The following COMP variants were observed in gnomAD, a reference collection of about 807,000 sequenced individuals.
COMP encodes cartilage oligomeric matrix protein (pseudoachondroplasia, epiphyseal dysplasia 1, multiple).
In COMP, 79 loss-of-function variants were observed where a neutral mutation model predicts 95.8. The ratio of observed to expected loss-of-function variants is 0.82; its 90% CI spans 0.69 to 0.99. The LOEUF (loss-of-function observed/expected upper bound fraction) is 0.99. Among genes scored for constraint, COMP ranks in the 50% least tolerant of loss-of-function variants. COMP has a pLI of 0.00. For synonymous variants in COMP, 438 were observed against 433.9 expected, an observed-to-expected ratio of 1.01 and a Z score of -0.12; for missense variants, 906 against 1,076.1, an observed-to-expected ratio of 0.84 and a Z score of 2.21.
At chr19:18,786,945 G>C in intron 10 of COMP, 1 of 365,130 alleles carries the variant, frequency 2.7e-6, no homozygotes, top group Non-Finnish European at 5.1e-6. Flanking sequence ...GCAAATTTTT[G>C]TATTTTTAGT....
At position 18,789,972 on chromosome 19, in the gene COMP, G is replaced by T; in HGVS notation, c.360C>A (p.Gly120=). Residue 120 remains glycine, a synonymous_variant, in exon 4 of 19, where the codon GGC becomes GGA. Transcript: ENST00000222271. The surrounding 1 kb of genome is among the most constrained non-coding windows in gnomAD (Gnocchi z 6.1). ...TGACGTCGGTGCAGTGCGAGCCGTTGCCCGTGAAGCCCGCGGGGCAGGGGC... is the reference window on the plus strand; with the variant it reads ...TGACGTCGGTGCAGTGCGAGCCGTTTCCCGTGAAGCCCGCGGGGCAGGGGC... ...RCGPCPAGFT[G]NGSHCTDVNE... The T allele has an allele frequency of 6.3e-7, 1 of 1,595,086 alleles. No individual in the cohort carries two copies. The highest frequency in any genetic ancestry group is 8.5e-7 in the Non-Finnish European group (1 of 1,178,104).
chr19:18,790,523 C>T, intron 3 of COMP, 39 bp downstream of exon 3: 1 of 1,612,030 alleles, frequency 6.2e-7, no homozygotes, highest in Non-Finnish European at 8.5e-7. Flanking sequence ...GTCTCTGTCT[C>T]CCGTCTCTTC....
At chr19:18,786,456 C>T (rs984081635) in intron 11 of COMP, 76 bp downstream of exon 11, 4 of 1,535,050 alleles carry the variant, frequency 2.6e-6, no homozygotes, top group South Asian at 1.1e-5. Flanking sequence ...ATGCTCTAAG[C>T]TGGGCTGTGG....
rs775355871 is a variant in COMP at position 18,788,406 on chromosome 19, C to A, written c.867+4G>T. The A allele has an allele frequency of 6.2e-7, 1 of 1,608,414 alleles. No individual in the cohort carries two copies. On this transcript the variant is annotated splice_donor_region_variant and intron_variant, in intron 8 of 18. Transcript: ENST00000222271. This position sits in a 1 kb window ranked among gnomAD's most constrained non-coding sequence, Gnocchi z 4.7. ...CAAGCCCGCCCCGCTCCGCCCCCAC[C>A]CACCTTACGGCACTGGCGCTCCGGG...
chr19:18,790,751 T>C, intron 2 of COMP, 99 bp downstream of exon 2: 1 of 1,601,964 alleles, frequency 6.2e-7, no homozygotes, highest in Admixed American at 1.7e-5. Context: ...TCCCTCCCCA[T>C]CTCCTCTCCA....
rs982663804 is a variant in COMP at position 18,783,051 on chromosome 19, C to T, written c.2227+3G>A. On this transcript the variant is annotated splice_donor_region_variant and intron_variant, in intron 18 of 18. Coordinates refer to ENST00000222271, the MANE Select transcript of COMP (RefSeq NM_000095.3). Reference sequence around the variant, plus strand: ...GCCCACGGCCCGCTGGCCCTCGGCTCACCATTGCAGCGGTAACGCAGGTTG... The same window carrying T: ...GCCCACGGCCCGCTGGCCCTCGGCTTACCATTGCAGCGGTAACGCAGGTTG... 6.2e-7 allele frequency: 1 copy of T among 1,612,344 alleles called. No individual in the cohort carries two copies.
chr19:18,783,321 C>G (rs745875550), intron 17 of COMP, 128 bp from the exon 18 acceptor site: 3 of 1,342,376 alleles, frequency 2.2e-6, no homozygotes, highest in Non-Finnish European at 3.0e-6. Context: ...AGGCCTCTGC[C>G]TTGGGCCTCA....
Position 18,786,763 on chromosome 19 carries a change from C to CTTT in COMP, c.1136-116_1136-114dup, listed in dbSNP as rs10577504. 4.6e-3 allele frequency: 1,302 copies of CTTT among 283,600 alleles called. 170 individuals carry two copies. The African/African-American group carries it at 0.055, about 12-fold the overall frequency. The allele number at this position is 283,600 out of a possible 1,614,324, so 17.6% of individuals were successfully genotyped here. On this transcript the variant is annotated intron_variant, in intron 10 of 18. Coordinates refer to ENST00000222271, the MANE Select transcript of COMP (RefSeq NM_000095.3). ...GAACAGAGTCCCAACTTCATGGAAG[C>CTTT]TTTTTTTTTTTTTTTTTTTTTTTTT...
rs1422080256 is a variant in COMP, at chr19:18,784,546, A to G, written c.1915-183T>C. ...AGCTTGGGGATAGGTCACAGGGGGC[A>G]GCAGTGGTCTGCAGGTTCATGAGAG... On this transcript the variant is annotated intron_variant, in intron 16 of 18. Coordinates refer to ENST00000222271, the MANE Select transcript of COMP (RefSeq NM_000095.3). This position sits in a 1 kb window ranked among gnomAD's most constrained non-coding sequence, Gnocchi z 4.9. Among the ~76,000 whole-genome samples, 1 of 152,146 alleles carries G rather than the reference A, an allele frequency of 6.6e-6. No homozygotes were observed. Among genetic ancestry groups the G allele is most frequent in the Non-Finnish European group, 1.5e-5 (1 of 68,028 alleles).
Position 18,787,616 on chromosome 19 carries a change from C to T in COMP, c.1010G>A (p.Arg337His), listed in dbSNP as rs1351100052. The T allele has an allele frequency of 3.1e-6, 5 of 1,614,016 alleles. No homozygotes were observed. The highest frequency in any genetic ancestry group is 3.3e-5 in the Admixed American group (2 of 60,022). ...NCPLVRNPDQ[R>H]NTDEDKWGDA... ...GCCCCACTTGTCCTCGTCCGTGTTGCGCTGGTCTGGGTTCCGCACCAGCGG... is the reference window on the plus strand; with the variant it reads ...GCCCCACTTGTCCTCGTCCGTGTTGTGCTGGTCTGGGTTCCGCACCAGCGG... The change falls in exon 10 of 19, where the codon CGC becomes CAC. Residue 337 changes from arginine (R) to histidine (H), a missense_variant. By Grantham distance (29) the Arg-to-His change is conservative. Transcript: ENST00000222271.
rs1343625911 is a variant in COMP, at chr19:18,789,054, TC to T, written c.528+105del. 1 of 1,538,576 alleles carries T rather than the reference TC, an allele frequency of 6.5e-7. No individual in the cohort carries two copies. The highest frequency in any genetic ancestry group is 8.8e-7 in the Non-Finnish European group (1 of 1,135,898). On this transcript the variant is annotated intron_variant, in intron 5 of 18. Coordinates refer to ENST00000222271, the MANE Select transcript of COMP (RefSeq NM_000095.3). The surrounding 1 kb of genome is among the most constrained non-coding windows in gnomAD (Gnocchi z 6.1). Reference sequence around the variant, plus strand: ...GCCCTGGCGCAGCGGACCCCTCCTCTCCCCACCCCTCCCGCTGGAAGGAGGC... The same window carrying T: ...GCCCTGGCGCAGCGGACCCCTCCTCTCCCACCCCTCCCGCTGGAAGGAGGC...
In COMP at chr19:18,788,393, G is replaced by T. The variant is rs779091377; in HGVS notation, c.867+17C>A. On this transcript the variant is annotated intron_variant, in intron 8 of 18. Coordinates refer to ENST00000222271, the MANE Select transcript of COMP (RefSeq NM_000095.3). The surrounding 1 kb of genome is among the most constrained non-coding windows in gnomAD (Gnocchi z 4.7). ...CCTCCCTCCTGCCCAAGCCCGCCCC[G>T]CTCCGCCCCCACCCACCTTACGGCA... 2.4e-4 allele frequency: 204 copies of T among 841,864 alleles called. No individual in the cohort carries two copies. The highest frequency in any genetic ancestry group is 1.1e-3 in the South Asian group (77 of 71,262). 52.1% of individuals were successfully genotyped at this position (841,864 alleles called of 1,614,324 possible). A position where few individuals can be genotyped will look rare whatever the true frequency, so the allele number is the denominator to read the frequency against.
At chr19:18,783,278 G>A in intron 17 of COMP, 85 bp from the exon 18 acceptor site, 1 of 1,554,036 alleles carries the variant, frequency 6.4e-7, no homozygotes, top group East Asian at 2.4e-5. Flanking sequence ...TGGAAGATGG[G>A]TACCCCTGAC....
In COMP at chr19:18,787,482, C is replaced by T; in HGVS notation, c.1135+9G>A. ...CCTCTCCTCGCCCCCCAACCCCCAT[C>T]GAGCTCACGGTCGCCGTCGATGTCG... is the stretch of plus-strand genomic sequence containing the variant. On this transcript the variant is annotated intron_variant, in intron 10 of 18. Coordinates refer to ENST00000222271, the MANE Select transcript of COMP (RefSeq NM_000095.3). 3 of 1,610,996 alleles carry T rather than the reference C, an allele frequency of 1.9e-6. No homozygotes were observed. Among genetic ancestry groups the T allele is most frequent in the Non-Finnish European group, 2.5e-6 (3 of 1,179,836 alleles).
rs796435646 is a variant in COMP, at chr19:18,786,423, G to A, written c.1254+109C>T. ...CCACCGCAGGCTGCTCGGACCGAGA[G>A]GTCATTTCTCTGGCAGTGTAAAATG... On this transcript the variant is annotated intron_variant, in intron 11 of 18. Coordinates refer to ENST00000222271, the MANE Select transcript of COMP (RefSeq NM_000095.3). 153 of 1,532,232 alleles carry A rather than the reference G, an allele frequency of 1.0e-4. 1 individual carries two copies. The African/African-American group carries it at 1.7e-3, about 17-fold the overall frequency. The allele number at this position is 1,532,232 out of a possible 1,614,324, so 94.9% of individuals were successfully genotyped here.
chr19:18,790,103 A>C lies in COMP; in HGVS notation c.229T>G (p.Ser77Ala). 6.5e-7 allele frequency: 1 copy of C among 1,534,018 alleles called. No individual in the cohort carries two copies. The highest frequency in any genetic ancestry group is 8.7e-7 in the Non-Finnish European group (1 of 1,143,096). Residue 77 changes from serine (S) to alanine (A), a missense_variant, in exon 4 of 19, where the codon TCA becomes GCA. Ser to Ala is a moderately conservative substitution (Grantham distance 99). Coordinates refer to ENST00000222271, the MANE Select transcript of COMP (RefSeq NM_000095.3). Reference protein sequence around the residue: ...MECDACGMQQSVRTGLPSVRP... With the variant: ...MECDACGMQQAVRTGLPSVRP... ...ACGCTGGGTAGGCCGGTGCGTACTGACTGCTGCATCCCTGCGGGGGGGAGG... is the reference window on the plus strand; with the variant it reads ...ACGCTGGGTAGGCCGGTGCGTACTGCCTGCTGCATCCCTGCGGGGGGGAGG...
chr19:18,787,533 C>T lies in COMP; in HGVS notation c.1093G>A (p.Asp365Asn), dbSNP rs1022585347. 3.1e-6 allele frequency: 5 copies of T among 1,613,980 alleles called. No individual in the cohort carries two copies. Among genetic ancestry groups the T allele is most frequent in the East Asian group, 2.2e-5 (1 of 44,880 alleles). Residue 365 changes from aspartate to asparagine, a missense_variant, in exon 10 of 19, where the codon GAC becomes AAC. By Grantham distance (23) the Asp-to-Asn change is conservative. Coordinates refer to ENST00000222271, the MANE Select transcript of COMP (RefSeq NM_000095.3). ...TCGTCGCACGCATCGCCCCGGCCGT[C>T]CTGGTCTGTGTCCTTTTGGTCGTCG... is the stretch of plus-strand genomic sequence containing the variant. ...KNDDQKDTDQ[D>N]GRGDACDDDI...
Position 18,786,582 on chromosome 19 carries a change from C to G in COMP, c.1204G>C (p.Gly402Arg). The G allele has an allele frequency of 6.2e-7, 1 of 1,614,088 alleles. No individual in the cohort carries two copies. The highest frequency in any genetic ancestry group is 8.5e-7 in the Non-Finnish European group (1 of 1,180,014). Reference sequence around the variant, plus strand: ...CAGTTGTCACAGGCATCCCCTATACCATCGCCATCACTGTCCTTCTGGTCT... The same window carrying G: ...CAGTTGTCACAGGCATCCCCTATACGATCGCCATCACTGTCCTTCTGGTCT... Reference protein sequence around the residue: ...NSDQKDSDGDGIGDACDNCPQ... With the variant: ...NSDQKDSDGDRIGDACDNCPQ... The change falls in exon 11 of 19, where the codon GGT becomes CGT. Residue 402 changes from glycine to arginine, a missense_variant. Gly to Arg is a moderately radical substitution (Grantham distance 125). Coordinates refer to ENST00000222271, the MANE Select transcript of COMP (RefSeq NM_000095.3).
At position 18,785,660 on chromosome 19, in the gene COMP, A is replaced by C. The variant is rs74432818; in HGVS notation, c.1668+13T>G. 10,080 of 1,613,142 alleles carry C rather than the reference A, an allele frequency of 6.2e-3. 32 individuals are homozygous for C. The highest frequency in any genetic ancestry group is 7.7e-3 in the Non-Finnish European group (9,054 of 1,179,926). On this transcript the variant is annotated intron_variant, in intron 14 of 18. Coordinates refer to ENST00000222271, the MANE Select transcript of COMP (RefSeq NM_000095.3). ...TAGGGTCCCATCACCCCCCACGTGG[A>C]CCCCGCTCCCACCTGGTTGAGCACC... is the stretch of plus-strand genomic sequence containing the variant.
Sources: gnomAD v4.1 joint callset for allele counts (sites outside exome capture counted in the v4.1 genomes callset) on GRCh38, gnomAD v4.1.1 for gene constraint, Gnocchi (gnomAD v3.1) non-coding constraint, MANE v1.5 for transcripts, NCBI Gene and HGNC (gene_info 2026-07-23, HGNC 2026-07-21) for gene names.